NRG2: variants seen among roughly 807,000 people sequenced by gnomAD.
NRG2 encodes neuregulin 2, also known as pro-neuregulin-2, membrane-bound isoform.
NRG2 carries 27 observed loss-of-function variants against 73.9 expected under a neutral mutation model. The ratio of observed to expected loss-of-function variants is 0.37; its 90% CI spans 0.27 to 0.50. The LOEUF (loss-of-function observed/expected upper bound fraction) is 0.50, where lower values mean the gene tolerates loss of function less well. Among genes scored for constraint, NRG2 ranks in the 20% least tolerant of loss-of-function variants. NRG2 has a pLI of 0.96. For missense variants in NRG2, 1,126 were observed against 1,210.1 expected (o/e 0.93, Z 1.03); for synonymous variants, 532 against 541.0 (o/e 0.98, Z 0.23).
At chr5:139,929,799 G>A (rs1012968708) in intron 1 of NRG2, among the ~76,000 whole-genome samples, 1 of 152,134 alleles carries the variant, frequency 6.6e-6, no homozygotes, top group Non-Finnish European at 1.5e-5. Context: ...GGGGCTTGAC[G>A]CTCCACAAAT....
intron 1 of NRG2, among the ~76,000 whole-genome samples, chr5:139,914,233 A>G (rs143096436): frequency 2.1e-3 from 319 of 152,354 alleles, no homozygotes; most frequent in Non-Finnish European, 3.5e-3. Flanking sequence ...GAAGATTCCA[A>G]TTAGCAGAAA....
chr5:139,990,534 G>A (rs1757539600), intron 1 of NRG2, among the ~76,000 whole-genome samples: 1 of 151,868 alleles, frequency 6.6e-6, no homozygotes, highest in South Asian at 2.1e-4. Context: ...TCAAACTCCT[G>A]GGCTCAAGTG....
intron 1 of NRG2, among the ~76,000 whole-genome samples, chr5:139,957,040 A>C (rs1458756370): frequency 6.6e-6 from 1 of 152,208 alleles, no homozygotes; most frequent in South Asian, 2.1e-4. Flanking sequence ...GTGGAACCAG[A>C]TGTGAGAAAA....
In NRG2 at chr5:139,865,508, T is replaced by G; in HGVS notation, c.1189+41A>C. 1 of 1,538,338 alleles carries G rather than the reference T, an allele frequency of 6.5e-7. No individual in the cohort carries two copies. The highest frequency in any genetic ancestry group is 1.4e-5 in the African/African-American group (1 of 73,448). Reference sequence around the variant, plus strand: ...ATTGGGGGGACTGCACCCAGAAGCTTTCTAAGGAGCAGGGACTTGTGTTTG... The same window carrying G: ...ATTGGGGGGACTGCACCCAGAAGCTGTCTAAGGAGCAGGGACTTGTGTTTG... On this transcript the variant is annotated intron_variant, in intron 5 of 9. Coordinates refer to ENST00000361474, the MANE Select transcript of NRG2 (RefSeq NM_004883.3). This position sits in a 1 kb window ranked among gnomAD's most constrained non-coding sequence, Gnocchi z 5.2.
At chr5:139,929,191 C>T (rs1752280489) in intron 1 of NRG2, among the ~76,000 whole-genome samples, 1 of 152,204 alleles carries the variant, frequency 6.6e-6, no homozygotes, top group Non-Finnish European at 1.5e-5. Context: ...ATTGTTCTGC[C>T]TCACACAGTC....
intron 1 of NRG2, among the ~76,000 whole-genome samples, chr5:139,944,193 G>T (rs113122926): frequency 7.7e-4 from 117 of 152,050 alleles, no homozygotes; most frequent in Non-Finnish European, 1.4e-3. Flanking sequence ...CACATACAAG[G>T]TATGGTGATT....
intron 1 of NRG2, among the ~76,000 whole-genome samples, chr5:139,974,544 A>G (rs772408757): frequency 3.9e-5 from 6 of 152,240 alleles, no homozygotes; most frequent in Non-Finnish European, 8.8e-5. Context: ...GTGTCAGGTA[A>G]GACATGAGGC....
At chr5:139,928,752 C>T (rs1752250498) in intron 1 of NRG2, among the ~76,000 whole-genome samples, 1 of 152,216 alleles carries the variant, frequency 6.6e-6, no homozygotes, top group African/African-American at 2.4e-5. Context: ...TCTCCCTGAG[C>T]CTGCTCCTCT....
intron 1 of NRG2, among the ~76,000 whole-genome samples, chr5:139,998,176 G>A (rs926589821): frequency 3.3e-5 from 5 of 152,276 alleles, no homozygotes; most frequent in South Asian, 2.1e-4. Context: ...AGCTCTCTCT[G>A]TTACCAGTGA....
At position 139,869,772 on chromosome 5, in the gene NRG2, C is replaced by G. The variant is rs1193221736; in HGVS notation, c.1112+1949G>C. On this transcript the variant is annotated intron_variant, in intron 4 of 9. Transcript: ENST00000361474. The surrounding 1 kb of genome is among the most constrained non-coding windows in gnomAD (Gnocchi z 4.5). ...TTCACAATGGCTCAGGCTCCTGCCT[C>G]TGCTCCTCTCAGATTTAGCTGGGCA... 1 of 152,362 alleles carries G rather than the reference C, an allele frequency of 6.6e-6. No individual in the cohort carries two copies. The highest frequency in any genetic ancestry group is 2.4e-5 in the African/African-American group (1 of 41,464). 9.4% of individuals were successfully genotyped at this position (152,362 alleles called of 1,614,324 possible).
chr5:139,927,698 AGG>A (rs1752161515), intron 1 of NRG2, among the ~76,000 whole-genome samples: 1 of 142,358 alleles, frequency 7.0e-6, no homozygotes, highest in African/African-American at 2.6e-5. Context: ...CGGAAGGCGG[AGG>A]TTGCGGTGAG....
At chr5:139,986,336 G>C (rs1371903385) in intron 1 of NRG2, among the ~76,000 whole-genome samples, 2 of 152,164 alleles carry the variant, frequency 1.3e-5, no homozygotes, top group Non-Finnish European at 2.9e-5. Flanking sequence ...CCTTGCACTA[G>C]AGGAAAGGGG....
chr5:139,900,162 C>A (rs927473947), intron 1 of NRG2, among the ~76,000 whole-genome samples: 2 of 152,220 alleles, frequency 1.3e-5, no homozygotes, highest in Non-Finnish European at 2.9e-5. Flanking sequence ...CCTCCCTACA[C>A]CACCCTAGGA....
chr5:139,905,095 C>T (rs1765145082), intron 1 of NRG2, among the ~76,000 whole-genome samples: 1 of 152,292 alleles, frequency 6.6e-6, no homozygotes, highest in Admixed American at 6.5e-5. Context: ...ACCTGGGTGC[C>T]CCAGGTGGCT....
chr5:139,864,719 GCTTT>G (rs1762370873), intron 5 of NRG2, among the ~76,000 whole-genome samples: 1 of 151,576 alleles, frequency 6.6e-6, no homozygotes, highest in Non-Finnish European at 1.5e-5. Flanking sequence ...TGGAAAATGG[GCTTT>G]CTGAGAACTT....
intron 5 of NRG2, among the ~76,000 whole-genome samples, chr5:139,857,438 G>A (rs1448950419): frequency 2.0e-5 from 3 of 152,144 alleles, no homozygotes; most frequent in Admixed American, 2.0e-4. Flanking sequence ...ACATGGATGA[G>A]AGGACTGGTT....
intron 1 of NRG2, among the ~76,000 whole-genome samples, chr5:139,969,535 G>A (rs1204704397): frequency 6.6e-6 from 1 of 152,232 alleles, no homozygotes; most frequent in Non-Finnish European, 1.5e-5. Flanking sequence ...TGGCAGACAT[G>A]TTAGAGGGAC....
At chr5:140,005,045 G>C (rs1409887926) in intron 1 of NRG2, among the ~76,000 whole-genome samples, 1 of 152,090 alleles carries the variant, frequency 6.6e-6, no homozygotes, top group Non-Finnish European at 1.5e-5. Flanking sequence ...TCTTTCCCTT[G>C]GTTTTACCTG....
At chr5:139,935,891 G>A (rs1010605480) in intron 1 of NRG2, among the ~76,000 whole-genome samples, 1 of 151,350 alleles carries the variant, frequency 6.6e-6, no homozygotes, top group Non-Finnish European at 1.5e-5. Flanking sequence ...CCTGGGAGGT[G>A]GAGATTGCAG....
Sources: allele counts gnomAD v4.1 joint callset (sites outside exome capture counted in the v4.1 genomes callset), GRCh38; gene constraint gnomAD v4.1.1; non-coding constraint Gnocchi (gnomAD v3.1); transcripts MANE v1.5; gene names NCBI Gene and HGNC (gene_info 2026-07-23, HGNC 2026-07-21).